The following ASTN2 variants were observed in gnomAD, a reference collection of about 807,000 sequenced individuals.
ASTN2 encodes astrotactin-2.
In ASTN2, 54 loss-of-function variants were observed where a neutral mutation model predicts 139.8. That is an observed-to-expected ratio of 0.39 (90% CI 0.31 to 0.48). ASTN2 has a LOEUF of 0.48. Ranked by LOEUF, ASTN2 falls within the 20% of genes least tolerant of loss-of-function variation. The pLI is 0.95. For missense variants in ASTN2, 1,565 were observed against 1,725.1 expected, an observed-to-expected ratio of 0.91 and a Z score of 1.64; for synonymous variants, 756 against 719.5, an observed-to-expected ratio of 1.05 and a Z score of -0.81.
Position 116,698,840 on chromosome 9 carries a change from C to T in ASTN2, c.2806+26931G>A. 6.2e-7 allele frequency: 1 copy of T among 1,614,228 alleles called. No individual in the cohort carries two copies. Among genetic ancestry groups the T allele is most frequent in the Non-Finnish European group, 8.5e-7 (1 of 1,180,046 alleles). ...TCAAGAAGATGGGGGCCAAAGGCAG[C>T]ACTCCAGGAATGTTCAATCTTCCAG... On this transcript the variant is annotated intron_variant, in intron 16 of 22. Coordinates refer to ENST00000313400, the MANE Select transcript of ASTN2 (RefSeq NM_001365068.1). This position sits in a 1 kb window ranked among gnomAD's most constrained non-coding sequence, Gnocchi z 4.4.
At chr9:116,973,971 G>A (rs918543614) in intron 10 of ASTN2, among the ~76,000 whole-genome samples, 4 of 152,190 alleles carry the variant, frequency 2.6e-5, no homozygotes, top group Non-Finnish European at 2.9e-5. Context: ...TGGGTTCTAG[G>A]AGCTTTCTGT....
intron 13 of ASTN2, among the ~76,000 whole-genome samples, chr9:116,798,855 T>C (rs1386670874): frequency 6.6e-6 from 1 of 152,146 alleles, no homozygotes; most frequent in Non-Finnish European, 1.5e-5. Context: ...GCAGGTGGTA[T>C]GACCAACACA....
chr9:116,836,351 G>A (rs1831990715), intron 11 of ASTN2, among the ~76,000 whole-genome samples: 1 of 148,700 alleles, frequency 6.7e-6, no homozygotes, highest in Admixed American at 6.8e-5. Flanking sequence ...GCTCTTCACT[G>A]ATGCTGAATA....
chr9:117,305,934 G>A (rs772280515), intron 1 of ASTN2, among the ~76,000 whole-genome samples: 4 of 152,098 alleles, frequency 2.6e-5, no homozygotes, highest in Non-Finnish European at 5.9e-5. Context: ...TCTCCTCTGC[G>A]GTGCTACACA....
At position 116,425,763 on chromosome 9, in the gene ASTN2, C is replaced by T. The variant is rs1847286376; in HGVS notation, c.*88G>A. 2.5e-6 allele frequency: 4 copies of T among 1,605,198 alleles called. No homozygotes were observed. The highest frequency in any genetic ancestry group is 8.5e-7 in the Non-Finnish European group (1 of 1,175,084). ...CTGCTAGGCCCATCCTCAGCTGTCC[C>T]CCAGCCCACCCAGGCCCCAGGATCC... On this transcript the variant is annotated 3_prime_UTR_variant, in exon 23 of 23. Transcript: ENST00000313400.
intron 1 of ASTN2, among the ~76,000 whole-genome samples, chr9:117,318,949 A>G (rs2130827767): frequency 6.6e-6 from 1 of 152,332 alleles, no homozygotes; most frequent in South Asian, 2.1e-4. Context: ...GCGAGTTTCA[A>G]CTAGTCACTG....
intron 3 of ASTN2, among the ~76,000 whole-genome samples, chr9:117,177,514 C>T (rs985610589): frequency 1.3e-5 from 2 of 152,146 alleles, no homozygotes; most frequent in Non-Finnish European, 2.9e-5. Flanking sequence ...GTGACCAAAG[C>T]TATAGATTCC....
At chr9:116,439,911 C>T (rs532987418) in intron 22 of ASTN2, among the ~76,000 whole-genome samples, 1 of 152,212 alleles carries the variant, frequency 6.6e-6, no homozygotes, top group African/African-American at 2.4e-5. Flanking sequence ...GCAACCATTT[C>T]TACCTTTTTA....
intron 12 of ASTN2, among the ~76,000 whole-genome samples, chr9:116,812,966 C>T (rs1564281535): frequency 6.6e-6 from 1 of 152,078 alleles, no homozygotes; most frequent in Non-Finnish European, 1.5e-5. Flanking sequence ...CCCCGCCGAG[C>T]CACCTAAGGG....
intron 12 of ASTN2, among the ~76,000 whole-genome samples, chr9:116,817,928 G>T (rs1470924637): frequency 6.6e-6 from 1 of 152,128 alleles, no homozygotes; most frequent in African/African-American, 2.4e-5. Flanking sequence ...TGTGGCCAGA[G>T]GTCAGCAATG....
intron 7 of ASTN2, among the ~76,000 whole-genome samples, chr9:117,006,872 T>G (rs1053954811): frequency 6.6e-6 from 1 of 152,154 alleles, no homozygotes; most frequent in Non-Finnish European, 1.5e-5. Flanking sequence ...ATCCCAGCAC[T>G]TTGGGAGGCC....
intron 10 of ASTN2, among the ~76,000 whole-genome samples, chr9:116,870,355 G>A (rs1267682943): frequency 1.3e-5 from 2 of 152,116 alleles, no homozygotes; most frequent in Non-Finnish European, 2.9e-5. Context: ...AGATGACTAT[G>A]AGGATATAAT....
At position 116,669,334 on chromosome 9, in the gene ASTN2, G is replaced by A. The variant is rs368762536; in HGVS notation, c.2807-17541C>T. Among the ~76,000 whole-genome samples the A allele has an allele frequency of 2.5e-3, 373 of 152,228 alleles. 7 individuals are homozygous for A. The South Asian group carries it at 0.068, about 28-fold the overall frequency. Reference sequence around the variant, plus strand: ...ATGGAGTAGCCCTGCTCTACAGAGCGCAGGACCTATGCTGCTGCTCTACAC... The same window carrying A: ...ATGGAGTAGCCCTGCTCTACAGAGCACAGGACCTATGCTGCTGCTCTACAC... On this transcript the variant is annotated intron_variant, in intron 16 of 22. Transcript: ENST00000313400.
intron 3 of ASTN2, among the ~76,000 whole-genome samples, chr9:117,205,522 C>T (rs1384239840): frequency 6.6e-6 from 1 of 152,084 alleles, no homozygotes; most frequent in Admixed American, 6.5e-5. Flanking sequence ...AAAATCTATA[C>T]TCTCATCTAC....
chr9:117,032,102 C>G (rs7868782), intron 6 of ASTN2, among the ~76,000 whole-genome samples: 2 of 152,086 alleles, frequency 1.3e-5, no homozygotes, highest in South Asian at 2.1e-4. Flanking sequence ...AGGAGTTAGA[C>G]TGAAGTCATT....
rs1215135171 is a variant in ASTN2, at chr9:116,698,723, G to A, written c.2806+27048C>T. On this transcript the variant is annotated intron_variant, in intron 16 of 22. Coordinates refer to ENST00000313400, the MANE Select transcript of ASTN2 (RefSeq NM_001365068.1). The surrounding 1 kb of genome is among the most constrained non-coding windows in gnomAD (Gnocchi z 4.4). ...CTGTTACTTTTAGAGAGATGGACAT[G>A]AGCCCGGAGGAAGTGGTTGCCAGCC... The A allele has an allele frequency of 1.2e-6, 2 of 1,614,190 alleles. No homozygotes were observed. Among genetic ancestry groups the A allele is most frequent in the Non-Finnish European group, 1.7e-6 (2 of 1,180,040 alleles).
At chr9:116,522,728 G>A (rs1850931969) in intron 19 of ASTN2, among the ~76,000 whole-genome samples, 1 of 152,104 alleles carries the variant, frequency 6.6e-6, no homozygotes. Context: ...AGAATTGTCA[G>A]CAGAGGATAA....
Position 117,414,782 on chromosome 9 carries a change from C to T in ASTN2, c.157G>A (p.Ala53Thr). The change falls in exon 1 of 23, where the codon GCC becomes ACC. Residue 53 changes from alanine to threonine, a missense_variant. Physicochemically the swap from Ala to Thr is moderately conservative, Grantham distance 58. Coordinates refer to ENST00000313400, the MANE Select transcript of ASTN2 (RefSeq NM_001365068.1). This position sits in a 1 kb window ranked among gnomAD's most constrained non-coding sequence, Gnocchi z 4.2. ...CTGTCGGGCTCCCGCGAGGCAGCGG[C>T]GGTGGCGCCGGCCAGCAGCGGCGGC... ...PPPPLLAGAT[A>T]AASREPDSPC... The T allele has an allele frequency of 8.0e-7, 1 of 1,255,358 alleles. No homozygotes were observed. The allele number at this position is 1,255,358 out of a possible 1,614,324, so 77.8% of individuals were successfully genotyped here. A position where few individuals can be genotyped will look rare whatever the true frequency, so the allele number is the denominator to read the frequency against.
At chr9:116,870,153 T>G (rs1833124460) in intron 10 of ASTN2, among the ~76,000 whole-genome samples, 2 of 152,098 alleles carry the variant, frequency 1.3e-5, no homozygotes, top group Non-Finnish European at 2.9e-5. Flanking sequence ...TAAAAAATAC[T>G]GTATTTACAG....
Sources: allele counts gnomAD v4.1 joint callset (sites outside exome capture counted in the v4.1 genomes callset), GRCh38; gene constraint gnomAD v4.1.1; non-coding constraint Gnocchi (gnomAD v3.1); transcripts MANE v1.5; gene names NCBI Gene and HGNC (gene_info 2026-07-23, HGNC 2026-07-21).